Variants in ATAD5 observed in about 807,000 individuals in gnomAD.
ATAD5 encodes the protein ATPase family AAA domain-containing protein 5.
Under a neutral mutation model 176.9 loss-of-function variants are expected in ATAD5, and 58 were observed. The ratio of observed to expected loss-of-function variants is 0.33; its 90% CI spans 0.27 to 0.41. The LOEUF is 0.41. ATAD5 is among the 10% of genes least tolerant of loss of function. The pLI is 1.00. For missense variants in ATAD5, 1,789 were observed against 2,094.1 expected (o/e 0.85, Z 2.84); for synonymous variants, 640 against 712.6 (o/e 0.90, Z 1.62).
chr17:30,855,197 T>C lies in ATAD5; in HGVS notation c.2505T>C (p.Arg835=). 6.2e-7 allele frequency: 1 copy of C among 1,613,942 alleles called. No homozygotes were observed. The change falls in exon 7 of 23, where the codon CGT becomes CGC. Residue 835 remains arginine (R), a synonymous_variant. Transcript: ENST00000321990. ...GTGATGTTCAATGTAAAGCAAAGCG[T>C]GACTTCCTAATGAGTGGTTTGCCAG... ...QDCDVQCKAK[R]DFLMSGLPDL...
chr17:30,876,332 T>G, intron 14 of ATAD5, 42 bp from the exon 15 acceptor site: 14 of 1,522,932 alleles, frequency 9.2e-6, no homozygotes, highest in Non-Finnish European at 1.2e-5. Context: ...CCTGTATGAT[T>G]TTTAGAATAT....
chr17:30,881,740 C>G (rs1567697769), intron 18 of ATAD5, among the ~76,000 whole-genome samples: 1 of 151,358 alleles, frequency 6.6e-6, no homozygotes, highest in Non-Finnish European at 1.5e-5. Flanking sequence ...TGGTGAAACC[C>G]TGTCTCTACA....
At chr17:30,857,183 T>A in intron 8 of ATAD5, 71 bp downstream of exon 8, 1 of 1,482,148 alleles carries the variant, frequency 6.7e-7, no homozygotes, top group Non-Finnish European at 9.1e-7. Flanking sequence ...CATTTTTGGA[T>A]ATCTACTCTT....
At chr17:30,840,489 C>G (rs1906037489) in intron 3 of ATAD5, 128 bp from the exon 4 acceptor site, 1 of 644,954 alleles carries the variant, frequency 1.6e-6, no homozygotes, top group East Asian at 3.4e-5. Flanking sequence ...AATTTAAGGC[C>G]CCTGGTAAGA....
intron 14 of ATAD5, among the ~76,000 whole-genome samples, chr17:30,875,836 C>G (rs888525859): frequency 2.2e-4 from 32 of 148,494 alleles, no homozygotes; most frequent in African/African-American, 7.7e-4. Context: ...AGTAGAGTGT[C>G]TTTTCTAAAT....
chr17:30,890,388 A>G (rs1306857316), intron 19 of ATAD5, among the ~76,000 whole-genome samples: 2 of 151,836 alleles, frequency 1.3e-5, no homozygotes, highest in African/African-American at 4.8e-5. Context: ...CAAAATAACA[A>G]AATAAGTACA....
chr17:30,881,515 C>T (rs1035807146), intron 18 of ATAD5, among the ~76,000 whole-genome samples: 2 of 152,182 alleles, frequency 1.3e-5, no homozygotes, highest in Admixed American at 6.6e-5. Flanking sequence ...GTTGGCCAGG[C>T]TGGCTTTGAA....
At chr17:30,867,466 G>A (rs1322607171) in intron 11 of ATAD5, among the ~76,000 whole-genome samples, 6 of 152,034 alleles carry the variant, frequency 3.9e-5, no homozygotes, top group African/African-American at 1.5e-4. Context: ...GCCTAGAGAG[G>A]CTGAGTTATT....
At chr17:30,849,226 A>C (rs1235350094) in intron 6 of ATAD5, among the ~76,000 whole-genome samples, 1 of 152,090 alleles carries the variant, frequency 6.6e-6, no homozygotes, top group East Asian at 1.9e-4. Context: ...GTCTCTCCAT[A>C]CACCTATTAA....
chr17:30,855,446 T>C, intron 7 of ATAD5, 119 bp downstream of exon 7: 1 of 1,122,484 alleles, frequency 8.9e-7, no homozygotes, highest in Non-Finnish European at 1.2e-6. Flanking sequence ...GTGACTTTAG[T>C]GGGAATTTTA....
At position 30,868,203 on chromosome 17, in the gene ATAD5, T is replaced by C. The variant is rs566049144; in HGVS notation, c.3234-130T>C. 3 of 616,254 alleles carry C rather than the reference T, an allele frequency of 4.9e-6. No individual in the cohort carries two copies. The African/African-American group carries it at 5.8e-5, about 12-fold the overall frequency. The allele number at this position is 616,254 out of a possible 1,614,324, so 38.2% of individuals were successfully genotyped here. ...ACTAGTAAAAATAACAAGAAAGCCT[T>C]CATCAGTTGAATGGCCAGTGGCAGA... On this transcript the variant is annotated intron_variant, in intron 11 of 22. Coordinates refer to ENST00000321990, the MANE Select transcript of ATAD5 (RefSeq NM_024857.5).
intron 18 of ATAD5, 123 bp from the exon 19 acceptor site, chr17:30,887,069 A>G: frequency 1.5e-6 from 1 of 679,350 alleles, no homozygotes; most frequent in Non-Finnish European, 2.3e-6. Flanking sequence ...ATCCTCAAGA[A>G]GAGCATTTAA....
chr17:30,834,566 A>G lies in ATAD5; in HGVS notation c.485A>G (p.Lys162Arg). ...VESSTSVLRY[K>R]KQVEVLAENI... ...AGTAGTACTTCTGTTTTACGTTACA[A>G]GAAACAAGTAGAGGTACTTGCAGAA... Residue 162 changes from lysine (K) to arginine (R), a missense_variant, in exon 2 of 23, where the codon AAG becomes AGG. Physicochemically the swap from Lys to Arg is conservative, Grantham distance 26 (BLOSUM62 2). Coordinates refer to ENST00000321990, the MANE Select transcript of ATAD5 (RefSeq NM_024857.5). 4 of 1,604,980 alleles carry G rather than the reference A, an allele frequency of 2.5e-6. No individual in the cohort carries two copies. In the South Asian group the frequency reaches 3.4e-5, roughly 14 times the overall value.
In ATAD5 at chr17:30,875,350, A is replaced by C. The variant is rs895056643; in HGVS notation, c.3608-1024A>C. On this transcript the variant is annotated intron_variant, in intron 14 of 22. Transcript: ENST00000321990. The stretch of plus-strand genomic sequence containing the variant: ...TAAAAATACATTTTATTGGCTTGCA[A>C]TATTAATTTACTGCAGGTCTAAATT... Among the ~76,000 whole-genome samples the C allele has an allele frequency of 2.0e-5, 3 of 152,290 alleles. No homozygotes were observed. The East Asian group carries it at 5.8e-4, about 29-fold the overall frequency.
intron 7 of ATAD5, among the ~76,000 whole-genome samples, chr17:30,856,471 CAG>C (rs1240171824): frequency 6.6e-6 from 1 of 152,156 alleles, no homozygotes; most frequent in Admixed American, 6.6e-5. Context: ...TTTGTTTTGA[CAG>C]AGTCTTGCTT....
At chr17:30,841,972 A>T (rs1906146891) in intron 4 of ATAD5, among the ~76,000 whole-genome samples, 1 of 152,108 alleles carries the variant, frequency 6.6e-6, no homozygotes, top group African/African-American at 2.4e-5. Flanking sequence ...AAAACAAATT[A>T]AAAAAATAAA....
chr17:30,881,485 T>TAA, intron 18 of ATAD5, among the ~76,000 whole-genome samples: 1 of 152,330 alleles, frequency 6.6e-6, no homozygotes, highest in East Asian at 1.9e-4. Context: ...GTATTTTTAG[T>TAA]AGAGACGGGA....
At chr17:30,846,791 G>C (rs1186722083) in intron 6 of ATAD5, among the ~76,000 whole-genome samples, 3 of 150,042 alleles carry the variant, frequency 2.0e-5, no homozygotes, top group African/African-American at 7.4e-5. Context: ...TGTGATATCA[G>C]CTCACCGCAA....
intron 19 of ATAD5, among the ~76,000 whole-genome samples, chr17:30,891,680 C>T (rs1272067368): frequency 2.0e-5 from 3 of 147,466 alleles, no homozygotes; most frequent in Non-Finnish European, 4.5e-5. Flanking sequence ...GCTGAAATTA[C>T]TGTTTCTTTT....
Sources: allele counts gnomAD v4.1 joint callset (sites outside exome capture counted in the v4.1 genomes callset), GRCh38; gene constraint gnomAD v4.1.1; transcripts MANE v1.5; gene names NCBI Gene and HGNC (gene_info 2026-07-23, HGNC 2026-07-21).